Variants in ALOX15 observed in about 807,000 individuals in gnomAD.
The protein encoded by ALOX15 is arachidonate 15-lipoxygenase.
In ALOX15, 68 loss-of-function variants were observed where a neutral mutation model predicts 71.7. That is an observed-to-expected ratio of 0.95 (90% CI 0.78 to 1.16). The LOEUF is 1.16. Among genes scored for constraint, ALOX15 ranks in the 50% most tolerant of loss-of-function variants. ALOX15 has a pLI of 0.00. For missense variants in ALOX15, 798 were observed against 818.8 expected (o/e 0.97, Z 0.31); for synonymous variants, 346 against 333.3 (o/e 1.04, Z -0.42).
chr17:4,632,823 C>T (rs1033864687), intron 11 of ALOX15, 38 bp downstream of exon 11: 2 of 1,613,458 alleles, frequency 1.2e-6, no homozygotes, highest in Non-Finnish European at 1.7e-6. Flanking sequence ...ATCTCTTGGG[C>T]TTTGTGTCTG....
chr17:4,640,817 A>C (rs1278809773), intron 1 of ALOX15, among the ~76,000 whole-genome samples: 1 of 149,198 alleles, frequency 6.7e-6, no homozygotes, highest in Non-Finnish European at 1.5e-5. Flanking sequence ...GTTTAGAGGG[A>C]GGTGAAGAGA....
chr17:4,637,249 G>C lies in ALOX15; in HGVS notation c.817C>G (p.Leu273Val), dbSNP rs778632356. The C allele has an allele frequency of 9.3e-6, 15 of 1,611,886 alleles. No individual in the cohort carries two copies. The highest frequency in any genetic ancestry group is 3.3e-5 in the Admixed American group (2 of 59,836). ...AGCAGGGAGAAGTCAGCTTCGAACAGTGTGCCTCCCTGGGTGGGGGAAGAG... is the reference window on the plus strand; with the variant it reads ...AGCAGGGAGAAGTCAGCTTCGAACACTGTGCCTCCCTGGGTGGGGGAAGAG... ...QLEKELEGGT[L>V]FEADFSLLDG... The change falls in exon 7 of 14, where the codon CTG becomes GTG. Residue 273 changes from leucine (L) to valine (V), a missense_variant. Leu to Val is a conservative substitution (Grantham distance 32). This residue lies in a region of ALOX15 where 490 missense variants were observed against 509.4 expected (regional missense o/e 0.96). Transcript: ENST00000293761.
intron 12 of ALOX15, 34 bp from the exon 13 acceptor site, chr17:4,632,090 A>C (rs2619112): frequency 6.2e-7 from 1 of 1,608,804 alleles, no homozygotes; most frequent in Non-Finnish European, 8.5e-7. Context: ...GTCAGTGCCT[A>C]CCAAGCACGC....
intron 1 of ALOX15, chr17:4,639,914 C>T: frequency 2.9e-6 from 1 of 344,540 alleles, no homozygotes; most frequent in Non-Finnish European, 5.1e-6. Context: ...TGAGCGCTGC[C>T]GCGCCCTGGA....
intron 7 of ALOX15, among the ~76,000 whole-genome samples, chr17:4,636,410 C>T (rs1911104460): frequency 6.6e-6 from 1 of 152,168 alleles, no homozygotes; most frequent in Non-Finnish European, 1.5e-5. Flanking sequence ...CAAAAATCCA[C>T]CTGGGCACCC....
Position 4,637,172 on chromosome 17 carries a change from G to A in ALOX15, c.894C>T (p.Ala298=), listed in dbSNP as rs1911127265. The change falls in exon 7 of 14, where the codon GCC becomes GCT. Residue 298 remains alanine (A), a synonymous_variant. Transcript: ENST00000293761. Reference sequence around the variant, plus strand: ...GCTGCAATTTCAGCATGACTAGAGGGGCAGCCAGGTGCTGCTGGCTACAGA... The same window carrying A: ...GCTGCAATTTCAGCATGACTAGAGGAGCAGCCAGGTGCTGCTGGCTACAGA... ...VILCSQQHLA[A]PLVMLKLQPD... The A allele has an allele frequency of 5.0e-6, 8 of 1,613,896 alleles. No homozygotes were observed. The highest frequency in any genetic ancestry group is 3.3e-4 in the Middle Eastern group (2 of 6,058).
chr17:4,641,330 C>T lies in ALOX15; in HGVS notation c.135+187G>A, dbSNP rs779703878. Reference sequence around the variant, plus strand: ...GGGTAGCGGCAACATTTATTGAGCGCTTACTGTGTGCCACCGACTGCCCTA... The same window carrying T: ...GGGTAGCGGCAACATTTATTGAGCGTTTACTGTGTGCCACCGACTGCCCTA... On this transcript the variant is annotated intron_variant, in intron 1 of 13. Coordinates refer to ENST00000293761, the MANE Select transcript of ALOX15 (RefSeq NM_001140.5). 9.8e-5 allele frequency among the ~76,000 whole-genome samples: 15 copies of T among 152,342 alleles called. No homozygotes were observed. In the East Asian group the frequency reaches 1.2e-3, roughly 12 times the overall value.
rs764616942 is a variant in ALOX15 at position 4,641,604 on chromosome 17, G to A, written c.48C>T (p.Ala16=). 3 of 1,613,760 alleles carry A rather than the reference G, an allele frequency of 1.9e-6. No homozygotes were observed. In the African/African-American group the frequency reaches 4.0e-5, roughly 22 times the overall value. The change falls in exon 1 of 14, where the codon GCC becomes GCT. Residue 16 remains alanine (A), a synonymous_variant. Transcript: ENST00000293761. The part of the protein sequence containing the change: ...IRVSTGASLY[A]GSNNQVQLWL... Reference sequence around the variant, plus strand: ...ACAGCTGCACCTGGTTGTTGGAACCGGCATAGAGCGAGGCCCCAGTGGACA... The same window carrying A: ...ACAGCTGCACCTGGTTGTTGGAACCAGCATAGAGCGAGGCCCCAGTGGACA...
At chr17:4,639,670 G>A (rs1471502778) in intron 1 of ALOX15, 39 bp from the exon 2 acceptor site, 1 of 1,566,212 alleles carries the variant, frequency 6.4e-7, no homozygotes, top group Non-Finnish European at 8.7e-7. Context: ...GGTGGGGCCT[G>A]GCGGGAGGGG....
rs1911331259 is a variant in ALOX15, at chr17:4,641,530, G to A, written c.122C>T (p.Pro41Leu). Residue 41 changes from proline (P) to leucine (L), a missense_variant, in exon 1 of 14, where the codon CCC (proline) becomes CTC (leucine). Transcript: ENST00000293761. ...TGGGGAGCTCACCTTGCCCCGTGCG[G>A]GCCACAGTCGCTTCCCGAGCGCCGC... Reference protein sequence around the residue: ...GEAALGKRLWPARGKETELKV... With the variant: ...GEAALGKRLWLARGKETELKV... The A allele has an allele frequency of 3.7e-6, 6 of 1,613,014 alleles. No homozygotes were observed. The highest frequency in any genetic ancestry group is 5.1e-6 in the Non-Finnish European group (6 of 1,179,858).
chr17:4,641,382 G>A, intron 1 of ALOX15, 135 bp downstream of exon 1: 2 of 1,334,458 alleles, frequency 1.5e-6, no homozygotes, highest in African/African-American at 1.5e-5. Context: ...TGGCCTCCGC[G>A]CGCTTTGAGC....
At chr17:4,632,348 C>A in intron 11 of ALOX15, 67 bp from the exon 12 acceptor site, 1 of 1,314,564 alleles carries the variant, frequency 7.6e-7, no homozygotes, top group Non-Finnish European at 1.1e-6. Flanking sequence ...AGGAAGAGGC[C>A]AAGAGAGGAG....
Position 4,635,790 on chromosome 17 carries a change from C to T in ALOX15, c.1130G>A (p.Arg377Lys), listed in dbSNP as rs1350671876. The T allele has an allele frequency of 6.2e-7, 1 of 1,614,124 alleles. No individual in the cohort carries two copies. Among genetic ancestry groups the T allele is most frequent in the African/African-American group, 1.3e-5 (1 of 74,950 alleles). ...MAEVIVVATM[R>K]CLPSIHPIFK... ...GATAGGATGTATCGACGGCAGGCAC[C>T]TCATGGTGGCCACAACAATGACCTC... is the stretch of plus-strand genomic sequence containing the variant. The change falls in exon 8 of 14, where the codon AGG becomes AAG. Residue 377 changes from arginine (R) to lysine (K), a missense_variant. Arg to Lys is a conservative substitution (Grantham distance 26, BLOSUM62 2). Around this residue, in one of 3 missense-constraint regions of ALOX15, gnomAD observed 490 missense variants for 509.4 expected, o/e 0.96. Coordinates refer to ENST00000293761, the MANE Select transcript of ALOX15 (RefSeq NM_001140.5).
intron 1 of ALOX15, 127 bp downstream of exon 1, chr17:4,641,390 A>C (rs1462334447): frequency 1.4e-6 from 2 of 1,396,276 alleles, no homozygotes; most frequent in Non-Finnish European, 9.6e-7. Flanking sequence ...GCGCGCTTTG[A>C]GCCCAATGCG....
At chr17:4,637,290 C>A in intron 6 of ALOX15, 32 bp from the exon 7 acceptor site, 1 of 1,578,138 alleles carries the variant, frequency 6.3e-7, no homozygotes, top group Non-Finnish European at 8.6e-7. Context: ...GGGCTGCTAT[C>A]AACATAAAGC....
chr17:4,633,897 G>A (rs376869358), intron 8 of ALOX15, among the ~76,000 whole-genome samples: 2 of 152,316 alleles, frequency 1.3e-5, no homozygotes, highest in East Asian at 3.9e-4. Context: ...GGATGGAGCT[G>A]GAGGCCATAA....
chr17:4,640,994 G>A (rs1911303402), intron 1 of ALOX15, among the ~76,000 whole-genome samples: 1 of 151,156 alleles, frequency 6.6e-6, no homozygotes, highest in Non-Finnish European at 1.5e-5. Flanking sequence ...GGGCTTTCGC[G>A]GAAGAAAAAA....
In ALOX15 at chr17:4,631,071, A is replaced by T. The variant is rs1910878111; in HGVS notation, c.*529T>A. 1.3e-5 allele frequency: 2 copies of T among 152,278 alleles called. No homozygotes were observed. Among genetic ancestry groups the T allele is most frequent in the Admixed American group, 6.5e-5 (1 of 15,294 alleles). 9.4% of individuals were successfully genotyped at this position (152,278 alleles called of 1,614,324 possible). ...AGTGAGGCCCCGTCTCCACGAAAATAAAAAAATATTAGCTGGGCATGATGG... is the reference window on the plus strand; with the variant it reads ...AGTGAGGCCCCGTCTCCACGAAAATTAAAAAATATTAGCTGGGCATGATGG... On this transcript the variant is annotated 3_prime_UTR_variant, in exon 14 of 14. Transcript: ENST00000293761.
In ALOX15 at chr17:4,631,722, G is replaced by A; in HGVS notation, c.1867C>T (p.Leu623=). Residue 623 remains leucine, a synonymous_variant, in exon 14 of 14, where the codon CTG becomes TTG. Transcript: ENST00000293761. ...GCCAGCTCCTCCCTGAACTTCTTCA[G>A]CACAGCCTTAGGCTCAGGGCCCGAA... The part of the protein sequence containing the change: ...YFSGPEPKAV[L]KKFREELAAL... 1.9e-6 allele frequency: 3 copies of A among 1,614,132 alleles called. No individual in the cohort carries two copies. The highest frequency in any genetic ancestry group is 2.5e-6 in the Non-Finnish European group (3 of 1,180,040).
Sources: allele counts gnomAD v4.1 joint callset (sites outside exome capture counted in the v4.1 genomes callset), GRCh38; gene constraint gnomAD v4.1.1; regional missense constraint gnomAD v4.1.1; transcripts MANE v1.5; gene names NCBI Gene and HGNC (gene_info 2026-07-23, HGNC 2026-07-21).